RAB8B: variants seen among roughly 807,000 people sequenced by gnomAD.
RAB8B encodes RAB8B, member RAS oncogene family.
Under a neutral mutation model 32.0 loss-of-function variants are expected in RAB8B, and 11 were observed. That is an observed-to-expected ratio of 0.34 (90% CI 0.22 to 0.57). The LOEUF (loss-of-function observed/expected upper bound fraction) is 0.57, where lower values mean the gene tolerates loss of function less well. Ranked by LOEUF, RAB8B falls within the 20% of genes least tolerant of loss-of-function variation. RAB8B has a pLI of 0.86. For missense variants in RAB8B, 190 were observed against 258.5 expected (o/e 0.73, Z 1.82); for synonymous variants, 103 against 89.6 (o/e 1.15, Z -0.85).
Position 63,259,769 on chromosome 15 carries a change from C to G in RAB8B, c.480+77C>G. On this transcript the variant is annotated intron_variant, in intron 6 of 7. Transcript: ENST00000321437. This position sits in a 1 kb window ranked among gnomAD's most constrained non-coding sequence, Gnocchi z 4.4. ...GCCTGTGTTCAAACAGCTCTCAGAG[C>G]TTTGGTATTTTCTGACCTAATGAAT... 7.7e-7 allele frequency: 1 copy of G among 1,299,168 alleles called. No homozygotes were observed. Among genetic ancestry groups the G allele is most frequent in the Non-Finnish European group, 1.1e-6 (1 of 905,956 alleles). 80.5% of individuals were successfully genotyped at this position (1,299,168 alleles called of 1,614,324 possible).
chr15:63,235,503 C>G (rs754623331), intron 1 of RAB8B, among the ~76,000 whole-genome samples: 2 of 151,938 alleles, frequency 1.3e-5, no homozygotes, highest in African/African-American at 4.8e-5. Context: ...TGTCCATGTA[C>G]CCACCACTCA....
chr15:63,203,098 G>A (rs969312936), intron 1 of RAB8B, among the ~76,000 whole-genome samples: 1 of 152,202 alleles, frequency 6.6e-6, no homozygotes, highest in African/African-American at 2.4e-5. Flanking sequence ...GGCAGTGTGG[G>A]ACTATGGAAG....
chr15:63,261,155 A>G (rs2038200654), intron 6 of RAB8B, among the ~76,000 whole-genome samples: 1 of 152,244 alleles, frequency 6.6e-6, no homozygotes, highest in African/African-American at 2.4e-5. Context: ...TAAATGGCCA[A>G]CAGGTATATG....
intron 2 of RAB8B, among the ~76,000 whole-genome samples, chr15:63,245,208 C>T (rs1483152083): frequency 1.3e-5 from 2 of 152,198 alleles, no homozygotes; most frequent in African/African-American, 2.4e-5. Context: ...AGCCAGGATG[C>T]CTCCAAATTG....
intron 1 of RAB8B, chr15:63,223,046 A>G (rs1232936904): frequency 1.3e-5 from 6 of 455,972 alleles, no homozygotes; most frequent in African/African-American, 4.0e-5. Flanking sequence ...CTTCAGAGCA[A>G]CTTCCAGTCC....
At chr15:63,212,253 G>A (rs1433841726) in intron 1 of RAB8B, among the ~76,000 whole-genome samples, 1 of 152,154 alleles carries the variant, frequency 6.6e-6, no homozygotes, top group African/African-American at 2.4e-5. Context: ...AACAAACAAC[G>A]AAAACTTGAT....
At chr15:63,242,729 T>G (rs2038042574) in intron 1 of RAB8B, among the ~76,000 whole-genome samples, 3 of 152,018 alleles carry the variant, frequency 2.0e-5, no homozygotes, top group African/African-American at 7.3e-5. Context: ...ATTTAGAGGA[T>G]ATGTAATTTA....
chr15:63,201,117 G>A (rs2037645188), intron 1 of RAB8B, among the ~76,000 whole-genome samples: 1 of 152,186 alleles, frequency 6.6e-6, no homozygotes, highest in Non-Finnish European at 1.5e-5. Context: ...AGCTACTCAT[G>A]CCAAACATTA....
chr15:63,239,712 T>G (rs1412804557), intron 1 of RAB8B, among the ~76,000 whole-genome samples: 1 of 152,114 alleles, frequency 6.6e-6, no homozygotes, highest in African/African-American at 2.4e-5. Flanking sequence ...CTGGCCAAAT[T>G]TCCAAAGTTT....
At chr15:63,211,243 C>A (rs765936634) in intron 1 of RAB8B, among the ~76,000 whole-genome samples, 4 of 152,160 alleles carry the variant, frequency 2.6e-5, no homozygotes, top group Non-Finnish European at 5.9e-5. Context: ...GTAGAATATC[C>A]TTTGTAGATC....
chr15:63,245,525 CTTTT>C (rs202033992), intron 2 of RAB8B, among the ~76,000 whole-genome samples: 1 of 152,032 alleles, frequency 6.6e-6, no homozygotes, highest in South Asian at 2.1e-4. Flanking sequence ...TGTCCTATAC[CTTTT>C]TTTTAATTCT....
intron 1 of RAB8B, among the ~76,000 whole-genome samples, chr15:63,207,734 TTTTG>T (rs2037710652): frequency 6.6e-6 from 1 of 151,952 alleles, no homozygotes; most frequent in African/African-American, 2.4e-5. Context: ...AAATTTTCTT[TTTTG>T]GTATTTTAGT....
rs1470286891 is a variant in RAB8B at position 63,259,830 on chromosome 15, T to G, written c.480+138T>G. 2.0e-5 allele frequency: 15 copies of G among 750,166 alleles called. No individual in the cohort carries two copies. The highest frequency in any genetic ancestry group is 3.0e-5 in the Non-Finnish European group (14 of 462,968). The allele number at this position is 750,166 out of a possible 1,614,324, so 46.5% of individuals were successfully genotyped here. On this transcript the variant is annotated intron_variant, in intron 6 of 7. Transcript: ENST00000321437. This position sits in a 1 kb window ranked among gnomAD's most constrained non-coding sequence, Gnocchi z 4.4. Reference sequence around the variant, plus strand: ...GACCCAACTCTACTTTGTACACTTTTGTGCTTCTGATTTTTTTTTTTTTGA... The same window carrying G: ...GACCCAACTCTACTTTGTACACTTTGGTGCTTCTGATTTTTTTTTTTTTGA...
chr15:63,263,817 G>T lies in RAB8B; in HGVS notation c.*198G>T. ...AGAACAGACTCCCTTTTTCAAACAT[G>T]GAAGCAATGAAGTGGAGACACATGC... On this transcript the variant is annotated 3_prime_UTR_variant, in exon 8 of 8. Transcript: ENST00000321437. 1 of 501,008 alleles carries T rather than the reference G, an allele frequency of 2.0e-6. No individual in the cohort carries two copies. Among genetic ancestry groups the T allele is most frequent in the Non-Finnish European group, 3.6e-6 (1 of 281,248 alleles). 31.0% of individuals were successfully genotyped at this position (501,008 alleles called of 1,614,324 possible).
chr15:63,198,515 G>C lies in RAB8B; in HGVS notation c.124+8767G>C, dbSNP rs144014349. ...GCATTGCAGGATTTCAAAGCACTTT[G>C]CAAAAGCTCAGTTAGGTATAGAATC... On this transcript the variant is annotated intron_variant, in intron 1 of 7. Transcript: ENST00000321437. Among the ~76,000 whole-genome samples, 427 of 152,058 alleles carry C rather than the reference G, an allele frequency of 2.8e-3. 3 individuals carry two copies. The highest frequency in any genetic ancestry group is 9.1e-3 in the African/African-American group (378 of 41,456).
At chr15:63,228,204 G>A (rs984482516) in intron 1 of RAB8B, among the ~76,000 whole-genome samples, 2 of 152,044 alleles carry the variant, frequency 1.3e-5, no homozygotes, top group African/African-American at 4.8e-5. Context: ...TTTTTGTAGA[G>A]TAGGGTCTCC....
intron 1 of RAB8B, among the ~76,000 whole-genome samples, chr15:63,210,509 T>C (rs1360705751): frequency 3.3e-5 from 5 of 152,258 alleles, no homozygotes; most frequent in African/African-American, 1.2e-4. Flanking sequence ...GTGCCACAGC[T>C]AGGCTTCCTG....
chr15:63,196,376 T>C (rs1462217534), intron 1 of RAB8B, among the ~76,000 whole-genome samples: 1 of 152,226 alleles, frequency 6.6e-6, no homozygotes, highest in Non-Finnish European at 1.5e-5. Flanking sequence ...TGAGGTGGAC[T>C]AGTATGTTTG....
chr15:63,197,370 C>CTTTTTTTTTTTTTTTTTT (rs58765418), intron 1 of RAB8B, among the ~76,000 whole-genome samples: 33 of 61,442 alleles, frequency 5.4e-4, no homozygotes, highest in Non-Finnish European at 7.6e-4. Context: ...TCTTTCTTTT[C>CTTTTTTTTTTTTTTTTTT]TTTTTTTTTT....
Sources: allele counts gnomAD v4.1 joint callset (sites outside exome capture counted in the v4.1 genomes callset), GRCh38; gene constraint gnomAD v4.1.1; non-coding constraint Gnocchi (gnomAD v3.1); transcripts MANE v1.5; gene names NCBI Gene and HGNC (gene_info 2026-07-23, HGNC 2026-07-21).